Variants in COL24A1 observed in about 807,000 individuals in gnomAD.
The protein encoded by COL24A1 is collagen type XXIV alpha 1 chain, also known as collagen alpha-1(XXIV) chain.
A neutral mutation model predicts 253.9 loss-of-function variants in COL24A1; 224 were observed. The ratio of observed to expected loss-of-function variants is 0.88; its 90% CI spans 0.79 to 0.99. The LOEUF is 0.99. Among genes scored for constraint, COL24A1 ranks in the 50% least tolerant of loss-of-function variants. The probability of loss-of-function intolerance (pLI) is 0.00; values close to 1 mark genes in which losing one functional copy is unlikely to be tolerated. For missense variants in COL24A1, 2,131 were observed against 2,068.5 expected (o/e 1.03, Z -0.59); for synonymous variants, 685 against 673.7 (o/e 1.02, Z -0.26).
At chr1:85,759,393 G>A (rs1666611892) in intron 55 of COL24A1, among the ~76,000 whole-genome samples, 1 of 151,858 alleles carries the variant, frequency 6.6e-6, no homozygotes, top group African/African-American at 2.4e-5. Context: ...ATCTTGTAGT[G>A]TGATGAGGGA....
At chr1:86,090,866 T>G (rs1703444937) in intron 6 of COL24A1, among the ~76,000 whole-genome samples, 1 of 152,140 alleles carries the variant, frequency 6.6e-6, no homozygotes, top group Admixed American at 6.5e-5. Flanking sequence ...ACTAACATGC[T>G]TCCAAGTCTG....
intron 18 of COL24A1, among the ~76,000 whole-genome samples, chr1:86,019,710 A>T (rs185973833): frequency 8.2e-4 from 125 of 151,762 alleles, no homozygotes; most frequent in Non-Finnish European, 1.4e-3. Context: ...TAAAACAAAT[A>T]AAAAAAAATC....
chr1:86,039,555 T>C (rs1330664533), intron 12 of COL24A1, among the ~76,000 whole-genome samples: 2 of 152,166 alleles, frequency 1.3e-5, no homozygotes, highest in East Asian at 3.8e-4. Flanking sequence ...TTTTGTTCTT[T>C]CTAGAGGAAG....
chr1:85,890,207 G>A (rs758126296), intron 31 of COL24A1, among the ~76,000 whole-genome samples: 5 of 152,078 alleles, frequency 3.3e-5, no homozygotes, highest in Non-Finnish European at 7.4e-5. Flanking sequence ...CTATTAACAT[G>A]GGTATGCGAG....
intron 47 of COL24A1, among the ~76,000 whole-genome samples, chr1:85,791,571 C>A (rs1031980019): frequency 2.0e-5 from 3 of 152,084 alleles, no homozygotes; most frequent in African/African-American, 7.2e-5. Flanking sequence ...TTCCACCTAG[C>A]TTACAATTGG....
At chr1:85,745,117 A>G (rs1295923251) in intron 56 of COL24A1, among the ~76,000 whole-genome samples, 1 of 152,116 alleles carries the variant, frequency 6.6e-6, no homozygotes, top group Non-Finnish European at 1.5e-5. Context: ...GAGTTTAAAT[A>G]AATGAGTAGT....
At chr1:85,970,565 CAGTA>C (rs1692061331) in intron 21 of COL24A1, among the ~76,000 whole-genome samples, 1 of 151,982 alleles carries the variant, frequency 6.6e-6, no homozygotes, top group East Asian at 1.9e-4. Context: ...GAAAAAAAGG[CAGTA>C]AGTGTTTTTA....
intron 18 of COL24A1, among the ~76,000 whole-genome samples, chr1:86,019,779 C>T (rs566100391): frequency 1.6e-4 from 25 of 152,144 alleles, no homozygotes; most frequent in African/African-American, 6.0e-4. Flanking sequence ...TAGAACAGTA[C>T]AGAAAGGTGT....
At chr1:86,137,088 C>G (rs1001995536) in intron 2 of COL24A1, among the ~76,000 whole-genome samples, 1 of 152,052 alleles carries the variant, frequency 6.6e-6, no homozygotes, top group Middle Eastern at 3.4e-3. Context: ...TTGGATATCA[C>G]CAAATTACAA....
intron 37 of COL24A1, among the ~76,000 whole-genome samples, chr1:85,854,607 G>GT (rs1202624536): frequency 6.6e-6 from 1 of 151,826 alleles, no homozygotes; most frequent in Non-Finnish European, 1.5e-5. Flanking sequence ...AGCATAGAAG[G>GT]TTTTTACATT....
intron 55 of COL24A1, among the ~76,000 whole-genome samples, chr1:85,746,726 C>T (rs1482012174): frequency 6.6e-6 from 1 of 152,114 alleles, no homozygotes; most frequent in Non-Finnish European, 1.5e-5. Context: ...GAGAGCTTTC[C>T]AGGCAGAAGC....
chr1:85,773,551 A>C (rs368615327), intron 53 of COL24A1, among the ~76,000 whole-genome samples: 2 of 152,146 alleles, frequency 1.3e-5, no homozygotes, highest in East Asian at 3.8e-4. Flanking sequence ...TTCCTTGAGT[A>C]GTGGTTTGTA....
At chr1:85,733,648 T>C (rs563825841) in intron 59 of COL24A1, among the ~76,000 whole-genome samples, 2 of 152,094 alleles carry the variant, frequency 1.3e-5, no homozygotes, top group South Asian at 2.1e-4. Context: ...GGCACAATCT[T>C]GGCTCACTGC....
intron 48 of COL24A1, among the ~76,000 whole-genome samples, chr1:85,785,253 A>C (rs1669560505): frequency 6.6e-6 from 1 of 152,212 alleles, no homozygotes; most frequent in Non-Finnish European, 1.5e-5. Context: ...CTTTAAGTAC[A>C]TACTTAATCA....
chr1:85,746,193 G>A (rs1665196087), intron 55 of COL24A1, among the ~76,000 whole-genome samples: 1 of 152,078 alleles, frequency 6.6e-6, no homozygotes, highest in Admixed American at 6.5e-5. Context: ...CTGTGTAAGT[G>A]AAACAAGCAA....
intron 8 of COL24A1, among the ~76,000 whole-genome samples, chr1:86,060,055 T>C (rs952365966): frequency 6.6e-6 from 1 of 152,128 alleles, no homozygotes; most frequent in Admixed American, 6.5e-5. Context: ...TAAACTCCTT[T>C]GGAATTTGCA....
At chr1:86,015,171 A>G (rs1447608392) in intron 19 of COL24A1, among the ~76,000 whole-genome samples, 1 of 152,186 alleles carries the variant, frequency 6.6e-6, no homozygotes, top group Non-Finnish European at 1.5e-5. Flanking sequence ...TATGTACTAT[A>G]TTTTTATGAT....
chr1:86,083,225 A>G (rs1255602077), intron 7 of COL24A1, among the ~76,000 whole-genome samples: 2 of 151,796 alleles, frequency 1.3e-5, no homozygotes, highest in Admixed American at 6.6e-5. Flanking sequence ...GTGAACTCAG[A>G]AGGCGGAGCT....
At chr1:85,807,437 A>G (rs1181554316) in intron 47 of COL24A1, among the ~76,000 whole-genome samples, 7 of 152,346 alleles carry the variant, frequency 4.6e-5, no homozygotes, top group Non-Finnish European at 7.3e-5. Context: ...GTGCTTTGCT[A>G]TCAGAGAAAA....
Sources: gnomAD v4.1 joint callset for allele counts (sites outside exome capture counted in the v4.1 genomes callset) on GRCh38, gnomAD v4.1.1 for gene constraint, MANE v1.5 for transcripts, NCBI Gene and HGNC (gene_info 2026-07-23, HGNC 2026-07-21) for gene names.